The following THADA variants were observed in gnomAD, a reference collection of about 807,000 sequenced individuals.
THADA encodes tRNA (32-2'-O)-methyltransferase regulator THADA.
A neutral mutation model predicts 219.8 loss-of-function variants in THADA; 213 were observed. The ratio of observed to expected loss-of-function variants is 0.97; its 90% CI spans 0.87 to 1.09. The LOEUF is 1.09. Among genes scored for constraint, THADA ranks in the 50% least tolerant of loss-of-function variants. The pLI, the probability that THADA is intolerant of heterozygous loss-of-function variation, is 0.00. For missense variants in THADA, 2,956 were observed against 2,311.3 expected (o/e 1.28, Z -5.72); for synonymous variants, 1,018 against 828.9 (o/e 1.23, Z -3.92).
At chr2:43,438,231 G>C (rs537578731) in intron 26 of THADA, among the ~76,000 whole-genome samples, 1 of 151,138 alleles carries the variant, frequency 6.6e-6, no homozygotes, top group Non-Finnish European at 1.5e-5. Flanking sequence ...GAACCCAGGA[G>C]GCGGAGCTTG....
At chr2:43,306,307 C>T (rs936922733) in intron 31 of THADA, among the ~76,000 whole-genome samples, 4 of 152,148 alleles carry the variant, frequency 2.6e-5, no homozygotes, top group African/African-American at 4.8e-5. Context: ...GTACTGCGCT[C>T]GGCCTACTTC....
At chr2:43,310,219 C>CT (rs1367696178) in intron 31 of THADA, among the ~76,000 whole-genome samples, 25 of 87,118 alleles carry the variant, frequency 2.9e-4, no homozygotes, top group Admixed American at 8.8e-4. Context: ...CCCTCCCTCC[C>CT]TTTCCCGCCC....
intron 34 of THADA, among the ~76,000 whole-genome samples, 173 bp from the exon 35 acceptor site, chr2:43,287,234 A>G (rs1674138678): frequency 6.6e-6 from 1 of 152,172 alleles, no homozygotes; most frequent in Admixed American, 6.6e-5. Context: ...TGCCCAAGGA[A>G]GAAAATCTGA....
At chr2:43,576,348 A>C (rs1317553168) in intron 10 of THADA, among the ~76,000 whole-genome samples, 3 of 152,204 alleles carry the variant, frequency 2.0e-5, no homozygotes, top group African/African-American at 7.2e-5. Flanking sequence ...CACCACAAAA[A>C]TACAAAATAC....
intron 29 of THADA, among the ~76,000 whole-genome samples, chr2:43,353,822 A>ATTTTTTTTTTT (rs564117010): frequency 1.0e-4 from 14 of 139,092 alleles, no homozygotes; most frequent in African/African-American, 3.0e-4. Flanking sequence ...AGCTCAGCTA[A>ATTTTTTTTTTT]TTTTTTTTTT....
At chr2:43,350,962 T>C (rs1367238600) in intron 29 of THADA, among the ~76,000 whole-genome samples, 1 of 152,274 alleles carries the variant, frequency 6.6e-6, no homozygotes, top group East Asian at 1.9e-4. Context: ...AAACAGGCCG[T>C]GAATATCTTT....
intron 26 of THADA, among the ~76,000 whole-genome samples, chr2:43,451,963 C>T (rs557698941): frequency 1.6e-4 from 25 of 152,066 alleles, no homozygotes; most frequent in African/African-American, 4.3e-4. Flanking sequence ...AAAAATTAGC[C>T]GGGCGTGATG....
At chr2:43,259,935 C>T (rs1428062303) in intron 36 of THADA, among the ~76,000 whole-genome samples, 1 of 152,188 alleles carries the variant, frequency 6.6e-6, no homozygotes, top group African/African-American at 2.4e-5. Flanking sequence ...TATAGTTCCA[C>T]CTGGTATGAT....
At chr2:43,504,180 C>T (rs752589871) in intron 24 of THADA, among the ~76,000 whole-genome samples, 40 of 152,108 alleles carry the variant, frequency 2.6e-4, no homozygotes, top group South Asian at 4.1e-4. Flanking sequence ...GAACCAATTA[C>T]ATTTTTTTCA....
chr2:43,501,417 G>C (rs1173129507), intron 24 of THADA, among the ~76,000 whole-genome samples: 2 of 149,028 alleles, frequency 1.3e-5, no homozygotes, highest in Non-Finnish European at 3.0e-5. Flanking sequence ...AATAAGCCAT[G>C]CTCATGGAAG....
chr2:43,539,634 G>C (rs1695047059), intron 21 of THADA, among the ~76,000 whole-genome samples: 2 of 152,076 alleles, frequency 1.3e-5, no homozygotes, highest in Non-Finnish European at 2.9e-5. Context: ...TTCTTCTCAC[G>C]CCTATGTATG....
At chr2:43,305,226 G>C (rs565540340) in intron 31 of THADA, among the ~76,000 whole-genome samples, 90 of 152,194 alleles carry the variant, frequency 5.9e-4, no homozygotes, top group African/African-American at 2.1e-3. Flanking sequence ...AATAACAACA[G>C]AATAAACTGA....
chr2:43,371,058 G>A (rs906189100), intron 29 of THADA, among the ~76,000 whole-genome samples: 1 of 152,140 alleles, frequency 6.6e-6, no homozygotes, highest in African/African-American at 2.4e-5. Context: ...TGAAAAACAT[G>A]CCCACAACAT....
chr2:43,360,121 T>C (rs773556725), intron 29 of THADA, among the ~76,000 whole-genome samples: 4 of 152,168 alleles, frequency 2.6e-5, no homozygotes, highest in Admixed American at 6.6e-5. Context: ...CCAATTTCCT[T>C]TGCAAAGTTC....
At chr2:43,471,353 C>T (rs1217291471) in intron 26 of THADA, among the ~76,000 whole-genome samples, 6 of 152,002 alleles carry the variant, frequency 3.9e-5, no homozygotes, top group Non-Finnish European at 8.8e-5. Flanking sequence ...TAGTGAGACT[C>T]TCTCTCTACA....
chr2:43,455,061 T>C (rs1682820631), intron 26 of THADA, among the ~76,000 whole-genome samples: 1 of 152,174 alleles, frequency 6.6e-6, no homozygotes, highest in Non-Finnish European at 1.5e-5. Flanking sequence ...TTTTCTGCCC[T>C]CACTTTGCTC....
chr2:43,292,977 G>A lies in THADA; in HGVS notation c.4675C>T (p.Leu1559=), dbSNP rs765999574. The change falls in exon 32 of 38, where the codon CTA becomes TTA. Residue 1559 remains leucine (L), a synonymous_variant. Transcript: ENST00000405975. ...TTTTCCAAGAGGGCTTCCAGTGTTA[G>A]TGAGCGCACTTCAGGGAAGGCAGAT... ...LESAFPEVRS[L]TLEALLEKFL... 6.2e-7 allele frequency: 1 copy of A among 1,614,030 alleles called. No homozygotes were observed. The highest frequency in any genetic ancestry group is 1.1e-5 in the South Asian group (1 of 91,086).
At chr2:43,536,244 G>C (rs919727258) in intron 21 of THADA, among the ~76,000 whole-genome samples, 5 of 152,090 alleles carry the variant, frequency 3.3e-5, no homozygotes, top group Admixed American at 6.5e-5. Flanking sequence ...AGCCTTTATC[G>C]AAAATCAGTT....
intron 26 of THADA, among the ~76,000 whole-genome samples, chr2:43,443,935 G>A (rs1034357070): frequency 4.0e-5 from 6 of 149,360 alleles, no homozygotes; most frequent in Middle Eastern, 3.2e-3. Context: ...GGCATGATCC[G>A]TTCATTGCTA....
Sources: allele counts gnomAD v4.1 joint callset (sites outside exome capture counted in the v4.1 genomes callset), GRCh38; gene constraint gnomAD v4.1.1; transcripts MANE v1.5; gene names NCBI Gene and HGNC (gene_info 2026-07-23, HGNC 2026-07-21).